Variants in PDE10A observed in about 807,000 individuals in gnomAD.
The protein encoded by PDE10A is phosphodiesterase 10A, also known as cAMP and cAMP-inhibited cGMP 3',5'-cyclic phosphodiesterase 10A.
A neutral mutation model predicts 97.7 loss-of-function variants in PDE10A; 39 were observed. The ratio of observed to expected loss-of-function variants is 0.40; its 90% CI spans 0.31 to 0.52. The LOEUF is 0.52. Ranked by LOEUF, PDE10A falls within the 20% of genes least tolerant of loss-of-function variation. PDE10A has a pLI of 0.56. For synonymous variants in PDE10A, 371 were observed against 376.8 expected (o/e 0.98, Z 0.18); for missense variants, 731 against 1,047.8 (o/e 0.70, Z 4.17).
At chr6:165,484,790 C>T (rs1779806412) in intron 2 of PDE10A, among the ~76,000 whole-genome samples, 1 of 152,172 alleles carries the variant, frequency 6.6e-6, no homozygotes, top group Admixed American at 6.5e-5. Context: ...GAATCTGACA[C>T]TTATTTAGTC....
intron 1 of PDE10A, among the ~76,000 whole-genome samples, chr6:165,571,764 C>T (rs1314678613): frequency 1.3e-5 from 2 of 152,224 alleles, no homozygotes; most frequent in Admixed American, 1.3e-4. Flanking sequence ...CTGTTTGAAG[C>T]TGTGCTGCAA....
chr6:165,537,272 G>A (rs1043276275), intron 2 of PDE10A, among the ~76,000 whole-genome samples: 2 of 152,032 alleles, frequency 1.3e-5, no homozygotes, highest in Non-Finnish European at 2.9e-5. Flanking sequence ...GTAGTTACCA[G>A]AGGCCGGGAA....
intron 1 of PDE10A, among the ~76,000 whole-genome samples, chr6:165,631,412 C>T (rs1056978536): frequency 6.6e-6 from 1 of 152,198 alleles, no homozygotes; most frequent in African/African-American, 2.4e-5. Flanking sequence ...TAAACATTCA[C>T]ATCATCCTCA....
intron 1 of PDE10A, among the ~76,000 whole-genome samples, chr6:165,936,288 AGGG>A (rs1453869549): frequency 6.6e-6 from 1 of 152,064 alleles, no homozygotes; most frequent in Admixed American, 6.5e-5. Flanking sequence ...TGAACCATGG[AGGG>A]AATGTGATGA....
intron 1 of PDE10A, among the ~76,000 whole-genome samples, chr6:165,544,572 G>A (rs1270198238): frequency 1.9e-5 from 2 of 107,420 alleles, no homozygotes; most frequent in Admixed American, 8.7e-5. Flanking sequence ...GGATGGTTAG[G>A]TTAAAAAAAA....
chr6:165,724,585 G>A (rs1397523598), intron 1 of PDE10A, among the ~76,000 whole-genome samples: 1 of 152,180 alleles, frequency 6.6e-6, no homozygotes, highest in Non-Finnish European at 1.5e-5. Context: ...TATGCCAAGT[G>A]TAATTTTGAA....
chr6:165,553,467 C>T lies in PDE10A; in HGVS notation c.866-9899G>A, dbSNP rs149429808. Reference sequence around the variant, plus strand: ...AAACAAATGCCTTATAATAACTATCCTTGTCCCCAAATATATCACCTAAAA... The same window carrying T: ...AAACAAATGCCTTATAATAACTATCTTTGTCCCCAAATATATCACCTAAAA... On this transcript the variant is annotated intron_variant, in intron 1 of 21. Coordinates refer to ENST00000539869, the MANE Select transcript of PDE10A (RefSeq NM_001385079.1). Among the ~76,000 whole-genome samples, 203 of 152,242 alleles carry T rather than the reference C, an allele frequency of 1.3e-3. 1 individual carries two copies. The highest frequency in any genetic ancestry group is 4.7e-3 in the African/African-American group (194 of 41,552).
intron 17 of PDE10A, 106 bp from the exon 18 acceptor site, chr6:165,379,472 C>T (rs1176823656): frequency 2.4e-6 from 2 of 836,510 alleles, no homozygotes; most frequent in Non-Finnish European, 3.6e-6. Context: ...ACATCTGGCA[C>T]ACTAATGAAA....
chr6:165,855,329 C>T lies in PDE10A; in HGVS notation c.-615+132200G>A, dbSNP rs535737268. Among the ~76,000 whole-genome samples, 392 of 137,786 alleles carry T rather than the reference C, an allele frequency of 2.8e-3. 4 individuals carry two copies. Among genetic ancestry groups the T allele is most frequent in the African/African-American group, 0.01 (375 of 35,830 alleles). 90.4% of individuals were successfully genotyped at this position (137,786 alleles called of 152,430 possible). A position where few individuals can be genotyped will look rare whatever the true frequency, so the allele number is the denominator to read the frequency against. ...GCGGGGGGGGGGGGGGACTCAGGGG[C>T]GCTGCCTCCTGTGGATCACCTGGTA... On this transcript the variant is annotated intron_variant, in intron 1 of 19. Transcript: ENST00000366882.
upstream of PDE10A, among the ~76,000 whole-genome samples, chr6:165,666,337 C>T (rs1172351593): frequency 6.6e-6 from 1 of 152,164 alleles, no homozygotes; most frequent in African/African-American, 2.4e-5. Context: ...AAATGTTAAA[C>T]TCATCTACTT....
At chr6:165,924,006 C>T (rs914294558) in intron 1 of PDE10A, among the ~76,000 whole-genome samples, 1 of 152,192 alleles carries the variant, frequency 6.6e-6, no homozygotes, top group Non-Finnish European at 1.5e-5. Flanking sequence ...CATAGCAAGA[C>T]CTCACCTCTA....
Position 165,543,470 on chromosome 6 carries a change from A to G in PDE10A, c.964T>C (p.Trp322Arg). The change falls in exon 2 of 22, where the codon TGG becomes CGG. Residue 322 changes from tryptophan (W) to arginine (R), a missense_variant. Physicochemically the swap from Trp to Arg is moderately radical, Grantham distance 101. Transcript: ENST00000539869. ...ESVSAETVEK[W>R]LKRKNNKSED... is the part of the protein sequence containing the mutation. ...GATTTGTTGTTCTTCCTCTTCAGCC[A>G]TTTCTCTACTGTCTCTGCACTAACA... 6.2e-7 allele frequency: 1 copy of G among 1,613,076 alleles called. No individual in the cohort carries two copies. The highest frequency in any genetic ancestry group is 8.5e-7 in the Non-Finnish European group (1 of 1,179,600).
intron 1 of PDE10A, among the ~76,000 whole-genome samples, chr6:165,924,272 G>C (rs1782855468): frequency 6.6e-6 from 1 of 151,956 alleles, no homozygotes; most frequent in South Asian, 2.1e-4. Flanking sequence ...ACAACTCATG[G>C]TTTCCATTTT....
intron 1 of PDE10A, among the ~76,000 whole-genome samples, chr6:165,928,326 G>A (rs1402401625): frequency 6.6e-6 from 1 of 152,142 alleles, no homozygotes; most frequent in Non-Finnish European, 1.5e-5. Flanking sequence ...TTGATTGGAG[G>A]ATGAGAATAA....
intron 1 of PDE10A, among the ~76,000 whole-genome samples, chr6:165,712,323 T>A (rs1195038206): frequency 6.6e-6 from 1 of 152,188 alleles, no homozygotes; most frequent in Non-Finnish European, 1.5e-5. Context: ...TCATCAAATC[T>A]ACAACACGTG....
Position 165,396,390 on chromosome 6 carries a change from T to G in PDE10A, c.2146A>C (p.Ile716Leu), listed in dbSNP as rs750241665. 6.2e-7 allele frequency: 1 copy of G among 1,613,352 alleles called. No homozygotes were observed. The highest frequency in any genetic ancestry group is 2.2e-5 in the East Asian group (1 of 44,836). Residue 716 changes from isoleucine (I) to leucine (L), a missense_variant, in exon 14 of 22, where the codon ATT (isoleucine) becomes CTT (leucine). Ile to Leu is a conservative substitution (Grantham distance 5). Around this residue, in one of 8 missense-constraint regions of PDE10A, gnomAD observed 131 missense variants for 187.4 expected, o/e 0.70. Coordinates refer to ENST00000539869, the MANE Select transcript of PDE10A (RefSeq NM_001385079.1). ...VTMEKLSYHS[I>L]CTSEEWQGLM... ...CCTTGCCACTCTTCTGAAGTACAAA[T>G]GCTATGGTAGGACAGCTTTTCCATC...
intron 1 of PDE10A, among the ~76,000 whole-genome samples, chr6:165,685,447 CT>C (rs112876069): frequency 0.011 from 1,668 of 151,900 alleles, 25 homozygotes; most frequent in African/African-American, 0.038. Context: ...CTTCTGTATG[CT>C]TCAGATTATG....
At chr6:165,505,703 A>G (rs1781153494) in intron 2 of PDE10A, among the ~76,000 whole-genome samples, 1 of 152,126 alleles carries the variant, frequency 6.6e-6, no homozygotes, top group African/African-American at 2.4e-5. Flanking sequence ...TTGGGGGCCT[A>G]AATTCTTTTG....
At chr6:165,689,841 T>A (rs1791223164) in intron 1 of PDE10A, among the ~76,000 whole-genome samples, 1 of 152,058 alleles carries the variant, frequency 6.6e-6, no homozygotes, top group African/African-American at 2.4e-5. Flanking sequence ...ACGAGCTCAA[T>A]ACATGAAGAT....
Sources: allele counts gnomAD v4.1 joint callset (sites outside exome capture counted in the v4.1 genomes callset), GRCh38; gene constraint gnomAD v4.1.1; regional missense constraint gnomAD v4.1.1; transcripts MANE v1.5; gene names NCBI Gene and HGNC (gene_info 2026-07-23, HGNC 2026-07-21).